PANK3: variants seen among roughly 807,000 people sequenced by gnomAD.
PANK3 encodes hPanK3.
A neutral mutation model predicts 39.4 loss-of-function variants in PANK3; 20 were observed. The observed-to-expected ratio is 0.51, with a 90% CI of 0.36 to 0.74. The LOEUF is 0.74. Ranked by LOEUF, PANK3 falls within the 30% of genes least tolerant of loss-of-function variation. The probability of loss-of-function intolerance (pLI) is 0.00; values close to 1 mark genes in which losing one functional copy is unlikely to be tolerated. For synonymous variants in PANK3, 140 were observed against 157.3 expected (o/e 0.89, Z 0.82); for missense variants, 265 against 437.0 (o/e 0.61, Z 3.51).
At chr5:168,578,293 T>G (rs904689791) in intron 1 of PANK3, among the ~76,000 whole-genome samples, 4 of 152,178 alleles carry the variant, frequency 2.6e-5, no homozygotes, top group African/African-American at 9.7e-5. Flanking sequence ...CTCAGGTGAG[T>G]TTTACAGGAA....
Position 168,569,030 on chromosome 5 carries a change from A to AATAT in PANK3, c.29-36_29-33dup, listed in dbSNP as rs766705356. On this transcript the variant is annotated intron_variant, in intron 1 of 6. Transcript: ENST00000239231. ...GAGGAAAAAAAAAAAAAAAAAAAAA[A>AATAT]ATATATATATATATATATATCCATT... 259 of 120,244 alleles carry AATAT rather than the reference A, an allele frequency of 2.2e-3. 7 individuals carry two copies. Among genetic ancestry groups the AATAT allele is most frequent in the South Asian group, 8.1e-3 (29 of 3,574 alleles). The allele number at this position is 120,244 out of a possible 1,614,324, so 7.4% of individuals were successfully genotyped here. A position where few individuals can be genotyped will look rare whatever the true frequency, so the allele number is the denominator to read the frequency against.
chr5:168,558,292 C>T (rs2113105143), intron 6 of PANK3, among the ~76,000 whole-genome samples: 1 of 152,084 alleles, frequency 6.6e-6, no homozygotes, highest in South Asian at 2.1e-4. Context: ...TCCCGAGTCG[C>T]TGGGATTACA....
chr5:168,565,868 A>AAAAT lies in PANK3; in HGVS notation c.635+144_635+145insATTT. 677 of 131,854 alleles carry AAAAT rather than the reference A, an allele frequency of 5.1e-3. 8 individuals are homozygous for AAAAT. Among genetic ancestry groups the AAAAT allele is most frequent in the African/African-American group, 0.021 (602 of 28,122 alleles). 8.2% of individuals were successfully genotyped at this position (131,854 alleles called of 1,614,324 possible). A position where few individuals can be genotyped will look rare whatever the true frequency, so the allele number is the denominator to read the frequency against. On this transcript the variant is annotated intron_variant, in intron 3 of 6. Transcript: ENST00000239231. Reference sequence around the variant, plus strand: ...CACCCTCTTTCACTTAAAAAAAAAAAATATATATATATATATATTTTTTTT... The same window carrying AAAAT: ...CACCCTCTTTCACTTAAAAAAAAAAAAAATATATATATATATATATATTTTTTTT...
chr5:168,563,471 A>G (rs978129773), intron 4 of PANK3, among the ~76,000 whole-genome samples: 2 of 152,146 alleles, frequency 1.3e-5, no homozygotes, highest in South Asian at 2.1e-4. Context: ...ATAATTAACA[A>G]TATCTCAAAA....
In PANK3 at chr5:168,548,959, G is replaced by A. The variant is rs887628325; in HGVS notation, c.*8612C>T. The A allele has an allele frequency of 6.6e-6, 1 of 152,120 alleles. No homozygotes were observed. Among genetic ancestry groups the A allele is most frequent in the Non-Finnish European group, 1.5e-5 (1 of 68,012 alleles). The allele number at this position is 152,120 out of a possible 1,614,324, so 9.4% of individuals were successfully genotyped here. ...GAATGAGGCAACTGAAACTGAAATG[G>A]CATGTGTAAGTAAAATTAATCCCCA... On this transcript the variant is annotated 3_prime_UTR_variant, in exon 7 of 7. Coordinates refer to ENST00000239231, the MANE Select transcript of PANK3 (RefSeq NM_024594.4).
At position 168,564,026 on chromosome 5, in the gene PANK3, C is replaced by T. The variant is rs772905882; in HGVS notation, c.675G>A (p.Leu225=). 2 of 1,613,166 alleles carry T rather than the reference C, an allele frequency of 1.2e-6. No homozygotes were observed. Among genetic ancestry groups the T allele is most frequent in the South Asian group, 2.2e-5 (2 of 90,922 alleles). ...CCTCTTCAAAACTTTCACAGCCAGT[C>T]AATAAACTGCATAAACCCAGAAAGG... The part of the protein sequence containing the change: ...GGTFLGLCSL[L]TGCESFEEAL... The change falls in exon 4 of 7, where the codon TTG becomes TTA. Residue 225 remains leucine (L), a synonymous_variant. Coordinates refer to ENST00000239231, the MANE Select transcript of PANK3 (RefSeq NM_024594.4).
At chr5:168,570,257 C>T (rs1490851591) in intron 1 of PANK3, among the ~76,000 whole-genome samples, 7 of 151,566 alleles carry the variant, frequency 4.6e-5, no homozygotes, top group Non-Finnish European at 8.8e-5. Flanking sequence ...TGGTGGCAGG[C>T]GCCTGTAGTC....
intron 1 of PANK3, among the ~76,000 whole-genome samples, chr5:168,575,461 T>C (rs1417639051): frequency 7.1e-6 from 1 of 140,552 alleles, no homozygotes; most frequent in African/African-American, 2.8e-5. Flanking sequence ...CAGAGAACAC[T>C]AACATAACTA....
intron 5 of PANK3, among the ~76,000 whole-genome samples, chr5:168,560,212 G>A (rs187210992): frequency 6.6e-6 from 1 of 152,218 alleles, no homozygotes; most frequent in East Asian, 1.9e-4. Flanking sequence ...TAACACTTAA[G>A]TTTCTAAGTT....
chr5:168,579,209 G>A (rs781323168), intron 1 of PANK3, 47 bp downstream of exon 1: 13 of 1,468,278 alleles, frequency 8.9e-6, no homozygotes, highest in Non-Finnish European at 1.2e-5. Context: ...TTCAGACGGG[G>A]CCCAAGGGTG....
At chr5:168,578,806 G>C (rs182823669) in intron 1 of PANK3, 1 of 153,768 alleles carries the variant, frequency 6.5e-6, no homozygotes, top group South Asian at 2.1e-4. Flanking sequence ...AGCTCCAACT[G>C]TAACAACAGT....
At chr5:168,565,666 A>G (rs1759511975) in intron 3 of PANK3, among the ~76,000 whole-genome samples, 1 of 151,782 alleles carries the variant, frequency 6.6e-6, no homozygotes, top group Non-Finnish European at 1.5e-5. Flanking sequence ...ATCCCAACTG[A>G]TGCTGACTAA....
rs79784333 is a variant in PANK3, at chr5:168,552,589, C to T, written c.*4982G>A. ...AGTGTGGCCACAGTATTCCAGGGAA[C>T]GGAGTCTGGTCCAACTTCAGAGAAG... is the stretch of plus-strand genomic sequence containing the variant. On this transcript the variant is annotated 3_prime_UTR_variant, in exon 7 of 7. Transcript: ENST00000239231. The T allele has an allele frequency of 7.8e-4, 164 of 210,082 alleles. No homozygotes were observed. The highest frequency in any genetic ancestry group is 3.2e-3 in the African/African-American group (138 of 43,144). The allele number at this position is 210,082 out of a possible 1,614,324, so 13.0% of individuals were successfully genotyped here.
intron 6 of PANK3, among the ~76,000 whole-genome samples, chr5:168,558,752 G>C (rs1414434680): frequency 3.9e-5 from 6 of 152,138 alleles, no homozygotes; most frequent in African/African-American, 1.4e-4. Flanking sequence ...CACCTATAAA[G>C]GATTGCTTGA....
intron 4 of PANK3, among the ~76,000 whole-genome samples, chr5:168,563,463 A>C (rs966418440): frequency 2.0e-5 from 3 of 152,182 alleles, no homozygotes; most frequent in African/African-American, 7.2e-5. Context: ...TCTTTTGCAT[A>C]ATTAACAATA....
rs911963415 is a variant in PANK3, at chr5:168,555,435, G to GT, written c.*2135dup. 6.6e-6 allele frequency: 1 copy of GT among 152,268 alleles called. No homozygotes were observed. Among genetic ancestry groups the GT allele is most frequent in the Non-Finnish European group, 1.5e-5 (1 of 68,108 alleles). 9.4% of individuals were successfully genotyped at this position (152,268 alleles called of 1,614,324 possible). ...AATTTTTGTATTTTTAGTAGGCAGG[G>GT]TTTTGCCACACTGGCCAGGCTGGTC... On this transcript the variant is annotated 3_prime_UTR_variant, in exon 7 of 7. Transcript: ENST00000239231.
chr5:168,577,329 C>T (rs1337663260), intron 1 of PANK3, among the ~76,000 whole-genome samples: 1 of 152,080 alleles, frequency 6.6e-6, no homozygotes, highest in Non-Finnish European at 1.5e-5. Flanking sequence ...AGTAACTGAC[C>T]AGATTTTCAG....
chr5:168,566,620 G>C (rs1759539606), intron 2 of PANK3, among the ~76,000 whole-genome samples: 2 of 152,196 alleles, frequency 1.3e-5, no homozygotes. Context: ...CATTTTTATA[G>C]TGGCAGTAGG....
intron 4 of PANK3, among the ~76,000 whole-genome samples, chr5:168,563,450 C>T (rs1043588809): frequency 6.6e-6 from 1 of 152,046 alleles, no homozygotes; most frequent in African/African-American, 2.4e-5. Context: ...AAAACAGTAC[C>T]GCTCTTTTGC....
Sources: gnomAD v4.1 joint callset for allele counts (sites outside exome capture counted in the v4.1 genomes callset) on GRCh38, gnomAD v4.1.1 for gene constraint, MANE v1.5 for transcripts, NCBI Gene and HGNC (gene_info 2026-07-23, HGNC 2026-07-21) for gene names.